The following MCF2L variants were observed in gnomAD, a reference collection of about 807,000 sequenced individuals.
The protein encoded by MCF2L is MCF.2 cell line derived transforming sequence like, also known as guanine nucleotide exchange factor DBS.
MCF2L carries 97 observed loss-of-function variants against 153.4 expected under a neutral mutation model. The ratio of observed to expected loss-of-function variants is 0.63; its 90% CI spans 0.54 to 0.75. The LOEUF (loss-of-function observed/expected upper bound fraction) is 0.75. MCF2L is among the 30% of genes least tolerant of loss of function. The probability of loss-of-function intolerance (pLI) is 0.00; values close to 1 mark genes in which losing one functional copy is unlikely to be tolerated. For synonymous variants in MCF2L, 659 were observed against 632.2 expected (o/e 1.04, Z -0.64); for missense variants, 1,347 against 1,495.2 (o/e 0.90, Z 1.64).
At chr13:112,981,377 G>A (rs562804274) in intron 1 of MCF2L, among the ~76,000 whole-genome samples, 6 of 152,298 alleles carry the variant, frequency 3.9e-5, no homozygotes, top group South Asian at 2.1e-4. Context: ...GTTGGGAGAC[G>A]CGATGAGAGT....
chr13:112,902,416 C>T (rs1418461258), intron 2 of MCF2L: 2 of 1,585,286 alleles, frequency 1.3e-6, no homozygotes, highest in East Asian at 4.5e-5. Context: ...GCAGGTCTCA[C>T]TGCTGATCAG....
At chr13:113,022,213 C>T (rs892038357) in intron 2 of MCF2L, among the ~76,000 whole-genome samples, 2 of 152,144 alleles carry the variant, frequency 1.3e-5, no homozygotes, top group African/African-American at 4.8e-5. Flanking sequence ...CCTCTGTGTC[C>T]ACCATCCACT....
chr13:112,918,046 C>T (rs2081313463), intron 2 of MCF2L, among the ~76,000 whole-genome samples: 2 of 152,242 alleles, frequency 1.3e-5, no homozygotes, highest in African/African-American at 2.4e-5. Context: ...TAACCAGTGG[C>T]ATAATTATTT....
chr13:113,034,729 C>T (rs895349387), intron 3 of MCF2L, among the ~76,000 whole-genome samples: 6 of 152,208 alleles, frequency 3.9e-5, no homozygotes, highest in Non-Finnish European at 7.3e-5. Flanking sequence ...CTGGTCTCAC[C>T]GGCATGAGCA....
intron 4 of MCF2L, chr13:113,052,804 C>T (rs1032748330): frequency 6.6e-5 from 10 of 150,678 alleles, no homozygotes; most frequent in African/African-American, 2.2e-4. Context: ...TAGACACAGA[C>T]ATGTACACAC....
chr13:112,926,377 C>T (rs185286248), intron 2 of MCF2L, among the ~76,000 whole-genome samples: 24 of 152,128 alleles, frequency 1.6e-4, no homozygotes, highest in African/African-American at 5.8e-4. Flanking sequence ...TCTACATACA[C>T]AGTGGAGTGC....
rs865919372 is a variant in MCF2L at position 112,988,702 on chromosome 13, C to T, written c.79+19244C>T. On this transcript the variant is annotated intron_variant, in intron 1 of 29. Transcript: ENST00000535094. ...TGAGCAGGGGATGGAGCTATGACAC[C>T]GGAGTCCTCCCTGAGCAGGGGATGG... 1.7e-4 allele frequency among the ~76,000 whole-genome samples: 24 copies of T among 141,664 alleles called. 1 individual carries two copies. The highest frequency in any genetic ancestry group is 8.6e-3 in the Middle Eastern group (2 of 232). The allele number at this position is 141,664 out of a possible 152,430, so 92.9% of individuals were successfully genotyped here. A position where few individuals can be genotyped will look rare whatever the true frequency, so the allele number is the denominator to read the frequency against.
Position 113,064,790 on chromosome 13 carries a change from T to C in MCF2L, c.607-146T>C. Reference sequence around the variant, plus strand: ...GAAGAGGTCAAGGAGGGCAGGACGCTATGGGAGGGCGTTCACCGTCTTTGC... The same window carrying C: ...GAAGAGGTCAAGGAGGGCAGGACGCCATGGGAGGGCGTTCACCGTCTTTGC... On this transcript the variant is annotated intron_variant, in intron 6 of 29. Coordinates refer to ENST00000535094, the MANE Select transcript of MCF2L (RefSeq NM_001112732.3). The surrounding 1 kb of genome is among the most constrained non-coding windows in gnomAD (Gnocchi z 6.0). 2 of 809,210 alleles carry C rather than the reference T, an allele frequency of 2.5e-6. No homozygotes were observed. 50.1% of individuals were successfully genotyped at this position (809,210 alleles called of 1,614,324 possible). A position where few individuals can be genotyped will look rare whatever the true frequency, so the allele number is the denominator to read the frequency against.
intron 4 of MCF2L, among the ~76,000 whole-genome samples, chr13:113,057,733 G>A (rs1431580395): frequency 2.2e-5 from 3 of 139,268 alleles, no homozygotes; most frequent in African/African-American, 5.4e-5. Flanking sequence ...TGGGTGCTGA[G>A]TGTTGGGTGC....
chr13:113,065,335 T>C, intron 7 of MCF2L: 1 of 525,186 alleles, frequency 1.9e-6, no homozygotes, highest in South Asian at 2.4e-5. Flanking sequence ...CCTGCCATTC[T>C]GGCGTTGGGT....
intron 2 of MCF2L, among the ~76,000 whole-genome samples, chr13:112,933,796 G>A (rs1351265884): frequency 6.6e-6 from 1 of 152,242 alleles, no homozygotes. Context: ...ACCCAAGGCT[G>A]TGTCCCTGAC....
rs897676520 is a variant in MCF2L at position 113,035,461 on chromosome 13, C to T, written c.279-9810C>T. Among the ~76,000 whole-genome samples, 1 of 152,164 alleles carries T rather than the reference C, an allele frequency of 6.6e-6. No homozygotes were observed. Among genetic ancestry groups the T allele is most frequent in the Non-Finnish European group, 1.5e-5 (1 of 68,042 alleles). On this transcript the variant is annotated intron_variant, in intron 3 of 29. Coordinates refer to ENST00000535094, the MANE Select transcript of MCF2L (RefSeq NM_001112732.3). This position sits in a 1 kb window ranked among gnomAD's most constrained non-coding sequence, Gnocchi z 4.4. ...TCACCCGGCTCTGCAGTCTGTTTTGCCGTTTTCCGCCTCAAACCCCCTCTG... is the reference window on the plus strand; with the variant it reads ...TCACCCGGCTCTGCAGTCTGTTTTGTCGTTTTCCGCCTCAAACCCCCTCTG...
chr13:113,054,011 A>G lies in MCF2L; in HGVS notation c.370-6582A>G, dbSNP rs2087553542. Reference sequence around the variant, plus strand: ...AACCAACGCTGGGCAGAACCTTGGCACAACTTTGCTGGTGTCTGCTGAGAA... The same window carrying G: ...AACCAACGCTGGGCAGAACCTTGGCGCAACTTTGCTGGTGTCTGCTGAGAA... On this transcript the variant is annotated intron_variant, in intron 4 of 29. Transcript: ENST00000535094. The surrounding 1 kb of genome is among the most constrained non-coding windows in gnomAD (Gnocchi z 5.2). 6.6e-6 allele frequency among the ~76,000 whole-genome samples: 1 copy of G among 152,132 alleles called. No homozygotes were observed. The highest frequency in any genetic ancestry group is 1.5e-5 in the Non-Finnish European group (1 of 68,026).
chr13:112,980,508 C>G (rs1479207512), intron 1 of MCF2L, among the ~76,000 whole-genome samples: 1 of 152,146 alleles, frequency 6.6e-6, no homozygotes, highest in Non-Finnish European at 1.5e-5. Context: ...TGGGCATTGG[C>G]AGGTGGGCGT....
In MCF2L at chr13:113,087,691, C is replaced by T. The variant is rs1362452240; in HGVS notation, c.2596-16C>T. The T allele has an allele frequency of 1.9e-6, 3 of 1,608,332 alleles. No individual in the cohort carries two copies. Among genetic ancestry groups the T allele is most frequent in the Middle Eastern group, 1.6e-4 (1 of 6,076 alleles). On this transcript the variant is annotated splice_polypyrimidine_tract_variant and intron_variant, in intron 22 of 29. Coordinates refer to ENST00000535094, the MANE Select transcript of MCF2L (RefSeq NM_001112732.3). ...TCACTGTGCACGCGAACCCCATCTC[C>T]ACTCTCTGCTCGCAGATGGCTGCCG...
chr13:113,077,912 T>G (rs572195432), intron 13 of MCF2L, among the ~76,000 whole-genome samples: 17 of 152,356 alleles, frequency 1.1e-4, no homozygotes, highest in African/African-American at 4.1e-4. Flanking sequence ...CTTCCTGTGC[T>G]GGGTCCCAGG....
chr13:112,902,071 T>C (rs913024349), intron 1 of MCF2L: 1 of 700,536 alleles, frequency 1.4e-6, no homozygotes, highest in Non-Finnish European at 2.4e-6. Flanking sequence ...GTTTCAAACA[T>C]ACTATCTTCA....
intron 1 of MCF2L, among the ~76,000 whole-genome samples, chr13:112,978,141 G>A (rs1031165134): frequency 3.9e-5 from 6 of 152,212 alleles, no homozygotes; most frequent in African/African-American, 1.4e-4. Flanking sequence ...TGCGCCATCT[G>A]TTTCCCCATT....
At chr13:113,051,247 G>A (rs1196974301) in intron 4 of MCF2L, among the ~76,000 whole-genome samples, 2 of 152,202 alleles carry the variant, frequency 1.3e-5, no homozygotes, top group African/African-American at 4.8e-5. Context: ...CTGGGCTTCG[G>A]GGCGACGAGG....
Sources: allele counts gnomAD v4.1 joint callset (sites outside exome capture counted in the v4.1 genomes callset), GRCh38; gene constraint gnomAD v4.1.1; non-coding constraint Gnocchi (gnomAD v3.1); transcripts MANE v1.5; gene names NCBI Gene and HGNC (gene_info 2026-07-23, HGNC 2026-07-21).